The following DDX19A variants were observed in gnomAD, a reference collection of about 807,000 sequenced individuals.
The protein encoded by DDX19A is ATP-dependent RNA helicase DDX19A.
Under a neutral mutation model 60.6 loss-of-function variants are expected in DDX19A, and 12 were observed. The ratio of observed to expected loss-of-function variants is 0.20; its 90% CI spans 0.13 to 0.32. The LOEUF is 0.32. Among genes scored for constraint, DDX19A ranks in the 10% least tolerant of loss-of-function variants. The pLI, the probability that DDX19A is intolerant of heterozygous loss-of-function variation, is 1.00. For missense variants in DDX19A, 337 were observed against 600.6 expected, an observed-to-expected ratio of 0.56 and a Z score of 4.59; for synonymous variants, 206 against 218.2, an observed-to-expected ratio of 0.94 and a Z score of 0.49.
chr16:70,356,277 C>T lies in DDX19A; in HGVS notation c.293+30C>T, dbSNP rs550245297. On this transcript the variant is annotated intron_variant, in intron 4 of 11. Coordinates refer to ENST00000302243, the MANE Select transcript of DDX19A (RefSeq NM_018332.5). ...GTATTCGCTCCTTTCAACAGCTCTT[C>T]GTTGCCAGTCTCTCCCCACATAAAA... The T allele has an allele frequency of 3.5e-5, 57 of 1,612,134 alleles. No homozygotes were observed. In the South Asian group the frequency reaches 3.6e-4, roughly 10 times the overall value.
At chr16:70,349,710 C>T (rs1031647189) in intron 1 of DDX19A, among the ~76,000 whole-genome samples, 13 of 152,160 alleles carry the variant, frequency 8.5e-5, no homozygotes, top group African/African-American at 2.7e-4. Flanking sequence ...TAAAATCTAG[C>T]GTTTAGCATC....
intron 1 of DDX19A, chr16:70,347,956 C>G (rs1468017303): frequency 2.2e-6 from 1 of 445,964 alleles, no homozygotes; most frequent in African/African-American, 2.0e-5. Context: ...TCCCAAAGTG[C>G]TGGGATTACA....
chr16:70,365,998 C>T (rs1213458624), intron 7 of DDX19A, 87 bp from the exon 8 acceptor site: 11 of 1,592,338 alleles, frequency 6.9e-6, no homozygotes, highest in East Asian at 4.5e-5. Flanking sequence ...ACTTGTTCTC[C>T]TAGTCCTAGA....
intron 2 of DDX19A, among the ~76,000 whole-genome samples, chr16:70,353,671 C>T (rs562533773): frequency 1.8e-4 from 26 of 144,678 alleles, no homozygotes; most frequent in Admixed American, 6.3e-4. Flanking sequence ...GAGGCTGAGG[C>T]GGGTGGATCA....
intron 4 of DDX19A, among the ~76,000 whole-genome samples, chr16:70,361,171 C>T (rs1964353217): frequency 2.0e-5 from 3 of 152,190 alleles, no homozygotes; most frequent in African/African-American, 4.8e-5. Context: ...GCATTAATTT[C>T]TCTAAGAAAA....
intron 9 of DDX19A, among the ~76,000 whole-genome samples, chr16:70,368,360 C>T (rs1964581101): frequency 6.6e-6 from 1 of 151,910 alleles, no homozygotes; most frequent in Admixed American, 6.6e-5. Context: ...GCAACCTCCG[C>T]CTCCTGGGTT....
chr16:70,366,960 G>A, intron 9 of DDX19A, 99 bp downstream of exon 9: 3 of 1,393,510 alleles, frequency 2.2e-6, no homozygotes, highest in Non-Finnish European at 3.0e-6. Context: ...ATGGAAAGAA[G>A]GGAAGTGCTT....
intron 4 of DDX19A, among the ~76,000 whole-genome samples, chr16:70,360,307 T>C (rs1024360960): frequency 7.3e-6 from 1 of 137,016 alleles, no homozygotes; most frequent in African/African-American, 3.2e-5. Context: ...TTTTTCTTTT[T>C]TCTTTCTTTC....
chr16:70,369,975 G>A (rs992234655), intron 9 of DDX19A, among the ~76,000 whole-genome samples: 4 of 151,964 alleles, frequency 2.6e-5, no homozygotes, highest in Non-Finnish European at 4.4e-5. Context: ...GCACTATATC[G>A]GGTTTACAAT....
At chr16:70,350,190 C>T (rs1330347636) in intron 1 of DDX19A, among the ~76,000 whole-genome samples, 1 of 152,076 alleles carries the variant, frequency 6.6e-6, no homozygotes, top group African/African-American at 2.4e-5. Context: ...GAGGTTGAGG[C>T]CGCAGTGAGC....
In DDX19A at chr16:70,366,450, C is replaced by T; in HGVS notation, c.783-174C>T. 5.7e-6 allele frequency: 7 copies of T among 1,222,642 alleles called. No homozygotes were observed. In the South Asian group the frequency reaches 1.0e-4, roughly 18 times the overall value. The allele number at this position is 1,222,642 out of a possible 1,614,324, so 75.7% of individuals were successfully genotyped here. A position where few individuals can be genotyped will look rare whatever the true frequency, so the allele number is the denominator to read the frequency against. ...TCCCAACCTGGGTTGAGAAAGGAGA[C>T]CTAGGGACTCTTCCCCAACCCTTGT... On this transcript the variant is annotated intron_variant, in intron 8 of 11. Transcript: ENST00000302243.
At position 70,369,812 on chromosome 16, in the gene DDX19A, T is replaced by C. The variant is rs943087155; in HGVS notation, c.1021-411T>C. Among the ~76,000 whole-genome samples the C allele has an allele frequency of 4.0e-5, 6 of 151,764 alleles. No homozygotes were observed. The East Asian group carries it at 9.7e-4, about 25-fold the overall frequency. On this transcript the variant is annotated intron_variant, in intron 9 of 11. Transcript: ENST00000302243. The stretch of plus-strand genomic sequence containing the variant: ...TTTTTTGTAGAGACAGGTTTGGCCA[T>C]GTTCCCCAGGCTGGTCTCGAACTCC...
rs543169194 is a variant in DDX19A, at chr16:70,360,030, T to C, written c.294-1388T>C. On this transcript the variant is annotated intron_variant, in intron 4 of 11. Transcript: ENST00000302243. ...GCGCTACAGCTCACGCCTGTAATCC[T>C]AGCACTTTGGGAGGCCGAGGCAGGT... Among the ~76,000 whole-genome samples the C allele has an allele frequency of 2.0e-4, 30 of 151,944 alleles. 1 individual carries two copies. Among genetic ancestry groups the C allele is most frequent in the South Asian group, 8.3e-4 (4 of 4,808 alleles).
At chr16:70,360,837 G>A in intron 4 of DDX19A, 1 of 154,994 alleles carries the variant, frequency 6.5e-6, no homozygotes, top group Non-Finnish European at 1.4e-5. Context: ...CTGCAGCCTT[G>A]ACCTCCTGAG....
At chr16:70,352,978 G>C (rs1964070505) in intron 2 of DDX19A, among the ~76,000 whole-genome samples, 1 of 151,952 alleles carries the variant, frequency 6.6e-6, no homozygotes, top group Non-Finnish European at 1.5e-5. Context: ...ATGTTTGGGT[G>C]GTCCCATTCT....
chr16:70,371,538 C>G lies in DDX19A; in HGVS notation c.1350C>G (p.Ile450Met). 1.3e-6 allele frequency: 2 copies of G among 1,516,616 alleles called. No individual in the cohort carries two copies. Among genetic ancestry groups the G allele is most frequent in the South Asian group, 2.5e-5 (2 of 79,010 alleles). The allele number at this position is 1,516,616 out of a possible 1,614,324, so 93.9% of individuals were successfully genotyped here. A position where few individuals can be genotyped will look rare whatever the true frequency, so the allele number is the denominator to read the frequency against. The change falls in exon 11 of 12, where the codon ATC becomes ATG. Residue 450 changes from isoleucine (I) to methionine (M), a missense_variant. Transcript: ENST00000302243. ...NMVDSKHSMNILNRIQEHFNK... is the reference protein window; with the variant it reads ...NMVDSKHSMNMLNRIQEHFNK... ...TGGACAGCAAGCACAGCATGAACAT[C>G]CTGAACAGAATCCAGGAGCATTTTA...
At chr16:70,368,123 G>C (rs988591308) in intron 9 of DDX19A, among the ~76,000 whole-genome samples, 1 of 152,204 alleles carries the variant, frequency 6.6e-6, no homozygotes, top group Non-Finnish European at 1.5e-5. Flanking sequence ...GCTGCAGTCA[G>C]CTGTGATCAC....
chr16:70,367,334 A>G (rs921103511), intron 9 of DDX19A, among the ~76,000 whole-genome samples: 13 of 152,006 alleles, frequency 8.6e-5, no homozygotes, highest in African/African-American at 2.7e-4. Context: ...AGGCTGAGGC[A>G]GGAGAATGGT....
intron 1 of DDX19A, among the ~76,000 whole-genome samples, chr16:70,348,784 CA>C (rs1044466003): frequency 1.3e-5 from 2 of 151,542 alleles, no homozygotes; most frequent in Admixed American, 6.6e-5. Flanking sequence ...TACAAAAATA[CA>C]AAAAAAATTA....
Sources: gnomAD v4.1 joint callset for allele counts (sites outside exome capture counted in the v4.1 genomes callset) on GRCh38, gnomAD v4.1.1 for gene constraint, MANE v1.5 for transcripts, NCBI Gene and HGNC (gene_info 2026-07-23, HGNC 2026-07-21) for gene names.